The following ALDH7A1 variants were observed in gnomAD, a reference collection of about 807,000 sequenced individuals.
ALDH7A1 encodes alpha-aminoadipic semialdehyde dehydrogenase.
In ALDH7A1, 63 loss-of-function variants were observed where a neutral mutation model predicts 79.9. The observed-to-expected ratio is 0.79, with a 90% CI of 0.64 to 0.97. The LOEUF is 0.97. ALDH7A1 is among the 50% of genes least tolerant of loss of function. The pLI is 0.00. For synonymous variants in ALDH7A1, 240 were observed against 231.2 expected (o/e 1.04, Z -0.34); for missense variants, 627 against 665.2 (o/e 0.94, Z 0.63).
At chr5:126,594,260 C>T (rs1242929068) in intron 1 of ALDH7A1, 1 of 471,014 alleles carries the variant, frequency 2.1e-6, no homozygotes, top group Admixed American at 2.4e-5. Context: ...CACGTCCAAG[C>T]TTGCAAACTC....
At chr5:126,581,786 TG>T in intron 5 of ALDH7A1, 1 of 177,598 alleles carries the variant, frequency 5.6e-6, no homozygotes. Context: ...AAGAGCAGCC[TG>T]GCCAGGATGG....
Position 126,544,799 on chromosome 5 carries a change from A to G in ALDH7A1, c.*166T>C. 1.6e-6 allele frequency: 1 copy of G among 628,448 alleles called. No individual in the cohort carries two copies. Among genetic ancestry groups the G allele is most frequent in the South Asian group, 1.9e-5 (1 of 52,832 alleles). 38.9% of individuals were successfully genotyped at this position (628,448 alleles called of 1,614,324 possible). Reference sequence around the variant, plus strand: ...TGTAACAATTTTATTTTGATTTTTAAAAAAGGAATCTCTTGATTTAATCAG... The same window carrying G: ...TGTAACAATTTTATTTTGATTTTTAGAAAAGGAATCTCTTGATTTAATCAG... On this transcript the variant is annotated 3_prime_UTR_variant, in exon 18 of 18. Transcript: ENST00000409134.
At chr5:126,563,478 T>C (rs567977048) in intron 9 of ALDH7A1, among the ~76,000 whole-genome samples, 3 of 152,216 alleles carry the variant, frequency 2.0e-5, no homozygotes, top group Non-Finnish European at 4.4e-5. Flanking sequence ...AAAAGTTATA[T>C]AGCAGGCCAT....
At chr5:126,577,822 T>G (rs1398401537) in intron 5 of ALDH7A1, among the ~76,000 whole-genome samples, 1 of 151,684 alleles carries the variant, frequency 6.6e-6, no homozygotes, top group Non-Finnish European at 1.5e-5. Context: ...CACCTTGGCC[T>G]CCCAAAGTGC....
At chr5:126,574,217 G>C (rs1750885157) in intron 7 of ALDH7A1, among the ~76,000 whole-genome samples, 1 of 150,968 alleles carries the variant, frequency 6.6e-6, no homozygotes, top group Non-Finnish European at 1.5e-5. Context: ...TGGCCAACAT[G>C]GTGAAACCCC....
intron 5 of ALDH7A1, among the ~76,000 whole-genome samples, chr5:126,579,654 T>TAA (rs34674137): frequency 0.11 from 16,664 of 149,268 alleles, 980 homozygotes; most frequent in African/African-American, 0.16. Context: ...TAAACTGCTT[T>TAA]AAAAAAAAAA....
intron 10 of ALDH7A1, among the ~76,000 whole-genome samples, chr5:126,560,025 G>A (rs1750349785): frequency 6.6e-6 from 1 of 151,728 alleles, no homozygotes; most frequent in African/African-American, 2.4e-5. Flanking sequence ...TTGACCTCCT[G>A]GGCTCAAGCA....
rs1184121644 is a variant in ALDH7A1, at chr5:126,577,136, A to G, written c.593T>C (p.Val198Ala). The change falls in exon 6 of 18, where the codon GTG becomes GCG. Residue 198 changes from valine (V) to alanine (A), a missense_variant. Coordinates refer to ENST00000409134, the MANE Select transcript of ALDH7A1 (RefSeq NM_001182.5). ...GGCGTTGTTCCAACCATACACTGCCACAGGGAAATTGAATGCCGTGATGAT... is the reference window on the plus strand; with the variant it reads ...GGCGTTGTTCCAACCATACACTGCCGCAGGGAAATTGAATGCCGTGATGAT... ...VGIITAFNFP[V>A]AVYGWNNAIA... 6.2e-7 allele frequency: 1 copy of G among 1,614,100 alleles called. No homozygotes were observed. Among genetic ancestry groups the G allele is most frequent in the African/African-American group, 1.3e-5 (1 of 74,924 alleles).
At chr5:126,594,749 CATA>C (rs755903698) in intron 1 of ALDH7A1, among the ~76,000 whole-genome samples, 9 of 151,984 alleles carry the variant, frequency 5.9e-5, no homozygotes, top group African/African-American at 9.7e-5. Flanking sequence ...CCCGGTAGAC[CATA>C]ATGTTTTAAA....
At chr5:126,573,193 CAATT>C (rs1321006663) in intron 7 of ALDH7A1, among the ~76,000 whole-genome samples, 5 of 142,064 alleles carry the variant, frequency 3.5e-5, no homozygotes, top group Non-Finnish European at 7.6e-5. Context: ...TACTTCGTAA[CAATT>C]AAGTCAGTTC....
chr5:126,594,725 G>C (rs920533970), intron 1 of ALDH7A1, among the ~76,000 whole-genome samples: 1 of 151,862 alleles, frequency 6.6e-6, no homozygotes, highest in African/African-American at 2.4e-5. Context: ...GGATTACAGG[G>C]GTGAGCCACC....
chr5:126,568,608 G>C (rs1750673233), intron 8 of ALDH7A1: 2 of 494,924 alleles, frequency 4.0e-6, no homozygotes, highest in South Asian at 4.1e-5. Flanking sequence ...TGTTAGGGAA[G>C]AAAGTCTTTC....
chr5:126,549,597 A>T, intron 16 of ALDH7A1: 1 of 279,006 alleles, frequency 3.6e-6, no homozygotes, highest in Non-Finnish European at 6.8e-6. Context: ...AGAATATTTC[A>T]TATAAAATTT....
intron 4 of ALDH7A1, among the ~76,000 whole-genome samples, chr5:126,583,411 G>A (rs982165761): frequency 6.6e-6 from 1 of 151,944 alleles, no homozygotes; most frequent in Non-Finnish European, 1.5e-5. Flanking sequence ...AACCCAGGAG[G>A]GGGAGGTTGC....
chr5:126,561,331 T>C (rs1434013931), intron 9 of ALDH7A1: 1 of 367,288 alleles, frequency 2.7e-6, no homozygotes, highest in African/African-American at 2.1e-5. Flanking sequence ...AGCATTACTA[T>C]TGTATCAATA....
chr5:126,565,394 CAAAAAAAAAAAAA>C lies in ALDH7A1; in HGVS notation c.871+2852_871+2864del, dbSNP rs1162552475. Among the ~76,000 whole-genome samples, 416 of 63,362 alleles carry C rather than the reference CAAAAAAAAAAAAA, an allele frequency of 6.6e-3. 5 individuals carry two copies. The highest frequency in any genetic ancestry group is 0.025 in the African/African-American group (377 of 14,950). The allele number at this position is 63,362 out of a possible 152,430, so 41.6% of individuals were successfully genotyped here. A position where few individuals can be genotyped will look rare whatever the true frequency, so the allele number is the denominator to read the frequency against. On this transcript the variant is annotated intron_variant, in intron 9 of 17. Transcript: ENST00000409134. ...GGCAACAGAGCGTGAGATTCCATCTCAAAAAAAAAAAAAAAAAAAAAAAAAAAAGACGGCTATT... is the reference window on the plus strand; with the variant it reads ...GGCAACAGAGCGTGAGATTCCATCTCAAAAAAAAAAAAAAAGACGGCTATT...
At chr5:126,575,602 C>A in intron 6 of ALDH7A1, 138 bp from the exon 7 acceptor site, 1 of 703,654 alleles carries the variant, frequency 1.4e-6, no homozygotes. Flanking sequence ...AGTCTAGTAA[C>A]TGAAACAGAA....
At chr5:126,575,962 G>T (rs1277829952) in intron 6 of ALDH7A1, among the ~76,000 whole-genome samples, 1 of 152,112 alleles carries the variant, frequency 6.6e-6, no homozygotes, top group Non-Finnish European at 1.5e-5. Flanking sequence ...TGCCCTGCAG[G>T]CTAAAGAATT....
In ALDH7A1 at chr5:126,561,070, G is replaced by C; in HGVS notation, c.913+13C>G. 1 of 1,613,220 alleles carries C rather than the reference G, an allele frequency of 6.2e-7. No individual in the cohort carries two copies. The highest frequency in any genetic ancestry group is 1.1e-5 in the South Asian group (1 of 90,848). ...TGAACAGAAAACAAACAAAAACAAA[G>C]AGGCAGCCTTACCAATAATGGCATT... On this transcript the variant is annotated intron_variant, in intron 10 of 17. Coordinates refer to ENST00000409134, the MANE Select transcript of ALDH7A1 (RefSeq NM_001182.5).
Sources: allele counts gnomAD v4.1 joint callset (sites outside exome capture counted in the v4.1 genomes callset), GRCh38; gene constraint gnomAD v4.1.1; transcripts MANE v1.5; gene names NCBI Gene and HGNC (gene_info 2026-07-23, HGNC 2026-07-21).